WWOX: variants seen among roughly 807,000 people sequenced by gnomAD.
WWOX encodes WW domain-containing oxidoreductase.
In WWOX, 69 loss-of-function variants were observed where a neutral mutation model predicts 46.2. The ratio of observed to expected loss-of-function variants is 1.49; its 90% CI spans 1.23 to 1.82. The LOEUF is 1.82. WWOX is among the 40% of genes most tolerant of loss of function. The pLI, the probability that WWOX is intolerant of heterozygous loss-of-function variation, is 0.00. For missense variants in WWOX, 919 were observed against 542.6 expected, an observed-to-expected ratio of 1.69 and a Z score of -6.89; for synonymous variants, 359 against 202.6, an observed-to-expected ratio of 1.77 and a Z score of -6.56.
chr16:78,918,152 G>A (rs1021968831), intron 8 of WWOX, among the ~76,000 whole-genome samples: 6 of 152,154 alleles, frequency 3.9e-5, no homozygotes, highest in Non-Finnish European at 7.3e-5. Context: ...GAGCCCAGGA[G>A]GTTGAGGCTG....
At chr16:78,372,244 A>T (rs1022817094) in intron 5 of WWOX, among the ~76,000 whole-genome samples, 13 of 152,218 alleles carry the variant, frequency 8.5e-5, no homozygotes, top group African/African-American at 3.1e-4. Context: ...CCAAAGGCAG[A>T]GTCTCAAAAT....
At chr16:78,440,221 G>C (rs1014147178) in intron 8 of WWOX, among the ~76,000 whole-genome samples, 2 of 152,174 alleles carry the variant, frequency 1.3e-5, no homozygotes, top group Non-Finnish European at 2.9e-5. Flanking sequence ...TAGGATCGTT[G>C]TGAGAAGAAG....
At chr16:78,194,877 G>A (rs577716540) in intron 5 of WWOX, among the ~76,000 whole-genome samples, 3 of 152,214 alleles carry the variant, frequency 2.0e-5, no homozygotes, top group South Asian at 2.1e-4. Flanking sequence ...ACTGTCTTAC[G>A]TGTTCCATTT....
intron 8 of WWOX, among the ~76,000 whole-genome samples, chr16:78,475,181 C>G (rs1410828496): frequency 1.3e-5 from 2 of 152,168 alleles, no homozygotes; most frequent in African/African-American, 4.8e-5. Flanking sequence ...TAGGATATGT[C>G]TAGAGTTCTG....
chr16:78,712,674 G>C (rs148888069), intron 8 of WWOX, among the ~76,000 whole-genome samples: 1 of 152,244 alleles, frequency 6.6e-6, no homozygotes, highest in East Asian at 1.9e-4. Flanking sequence ...TATTAAGAGA[G>C]TAGCCTTCAT....
intron 8 of WWOX, among the ~76,000 whole-genome samples, chr16:79,159,408 C>T (rs996021768): frequency 6.6e-5 from 10 of 152,206 alleles, no homozygotes; most frequent in African/African-American, 2.4e-4. Context: ...ATGCAATTTG[C>T]CTCTCAGGCA....
At chr16:78,353,971 G>C (rs973894786) in intron 5 of WWOX, among the ~76,000 whole-genome samples, 1 of 152,150 alleles carries the variant, frequency 6.6e-6, no homozygotes, top group Non-Finnish European at 1.5e-5. Flanking sequence ...CATCGCTTTC[G>C]TGCTTTCCTC....
At chr16:78,668,486 C>G (rs1370526350) in intron 8 of WWOX, among the ~76,000 whole-genome samples, 5 of 152,188 alleles carry the variant, frequency 3.3e-5, no homozygotes, top group Admixed American at 6.5e-5. Context: ...TATTCTTACT[C>G]TGGGCTAGGC....
At chr16:78,891,139 C>A (rs1384778458) in intron 8 of WWOX, 2 of 152,108 alleles carry the variant, frequency 1.3e-5, no homozygotes, top group Non-Finnish European at 2.9e-5. Flanking sequence ...TTGTTTAAAT[C>A]TTCCTTTAGT....
chr16:78,934,432 C>A (rs925358371), intron 8 of WWOX, among the ~76,000 whole-genome samples: 2 of 148,264 alleles, frequency 1.3e-5, no homozygotes, highest in Admixed American at 6.7e-5. Context: ...TCACTTGAGT[C>A]CAGGAGGTCA....
At chr16:79,187,293 T>A (rs552699173) in intron 8 of WWOX, among the ~76,000 whole-genome samples, 1 of 152,352 alleles carries the variant, frequency 6.6e-6, no homozygotes, top group African/African-American at 2.4e-5. Context: ...TTATTATTAC[T>A]AGAAAGAATA....
At chr16:78,912,574 C>A (rs972999832) in intron 8 of WWOX, among the ~76,000 whole-genome samples, 3 of 152,000 alleles carry the variant, frequency 2.0e-5, no homozygotes, top group Non-Finnish European at 2.9e-5. Flanking sequence ...AGGGTTATAT[C>A]CCCAGCACTG....
At chr16:78,385,391 G>C (rs1264152388) in intron 5 of WWOX, among the ~76,000 whole-genome samples, 1 of 152,148 alleles carries the variant, frequency 6.6e-6, no homozygotes, top group Admixed American at 6.5e-5. Context: ...TAGATAATTT[G>C]TCTTCCAGAC....
At chr16:78,397,556 T>A (rs1246449474) in intron 6 of WWOX, among the ~76,000 whole-genome samples, 2 of 152,216 alleles carry the variant, frequency 1.3e-5, no homozygotes, top group Non-Finnish European at 2.9e-5. Context: ...TGAGCTCAGC[T>A]TGCATAGTAG....
intron 5 of WWOX, among the ~76,000 whole-genome samples, chr16:78,187,439 T>A (rs571248719): frequency 3.2e-4 from 48 of 152,224 alleles, no homozygotes; most frequent in African/African-American, 1.2e-3. Context: ...CAGTCTCTAC[T>A]AAAAATACAA....
Position 78,424,926 on chromosome 16 carries a change from C to T in WWOX, c.662C>T (p.Thr221Ile). 2 of 1,614,162 alleles carry T rather than the reference C, an allele frequency of 1.2e-6. No individual in the cohort carries two copies. The highest frequency in any genetic ancestry group is 1.7e-6 in the Non-Finnish European group (2 of 1,180,034). ...ACTTTTGCTCTACCCTGGAGTCTCACCAAAGATGGCCTGGAGACCACCTTT... is the reference window on the plus strand; with the variant it reads ...ACTTTTGCTCTACCCTGGAGTCTCATCAAAGATGGCCTGGAGACCACCTTT... ...AATFALPWSL[T>I]KDGLETTFQV... The change falls in exon 7 of 9, where the codon ACC (threonine) becomes ATC (isoleucine). Residue 221 changes from threonine to isoleucine, a missense_variant. Transcript: ENST00000566780.
At chr16:78,400,039 T>C (rs2082375108) in intron 6 of WWOX, among the ~76,000 whole-genome samples, 1 of 152,224 alleles carries the variant, frequency 6.6e-6, no homozygotes, top group South Asian at 2.1e-4. Flanking sequence ...GAGTCCTTTC[T>C]TGTCTTCATT....
intron 8 of WWOX, among the ~76,000 whole-genome samples, chr16:78,946,089 A>G (rs934991704): frequency 2.0e-5 from 3 of 152,176 alleles, no homozygotes; most frequent in Non-Finnish European, 4.4e-5. Context: ...TTTCTTAAAT[A>G]AGGTGGTTGT....
intron 8 of WWOX, among the ~76,000 whole-genome samples, chr16:78,683,918 T>G (rs1388271004): frequency 6.6e-6 from 1 of 152,186 alleles, no homozygotes; most frequent in Admixed American, 6.5e-5. Context: ...CTGTAAGAGA[T>G]AATGTTGGCA....
Sources: gnomAD v4.1 joint callset for allele counts (sites outside exome capture counted in the v4.1 genomes callset) on GRCh38, gnomAD v4.1.1 for gene constraint, MANE v1.5 for transcripts, NCBI Gene and HGNC (gene_info 2026-07-23, HGNC 2026-07-21) for gene names.